Variants in RGP1 observed in about 807,000 individuals in gnomAD.
RGP1 encodes RAB6A-GEF complex partner protein 2.
In RGP1, 28 loss-of-function variants were observed where a neutral mutation model predicts 44.5. The ratio of observed to expected loss-of-function variants is 0.63; its 90% CI spans 0.47 to 0.86. The LOEUF (loss-of-function observed/expected upper bound fraction) is 0.86, where lower values mean the gene tolerates loss of function less well. Among genes scored for constraint, RGP1 ranks in the 40% least tolerant of loss-of-function variants. The pLI, the probability that RGP1 is intolerant of heterozygous loss-of-function variation, is 0.00. For missense variants in RGP1, 417 were observed against 490.7 expected (o/e 0.85, Z 1.42); for synonymous variants, 212 against 196.7 (o/e 1.08, Z -0.65).
chr9:35,780,753 G>A, the RGP1 span, among the ~76,000 whole-genome samples: 55 of 151,758 alleles, frequency 3.6e-4, no homozygotes, highest in African/African-American at 4.4e-4. Flanking sequence ...ACAACCAGGC[G>A]TGGTGGTGTG....
At chr9:35,769,641 C>T in the RGP1 span, among the ~76,000 whole-genome samples, 4 of 151,926 alleles carry the variant, frequency 2.6e-5, no homozygotes, top group Admixed American at 1.3e-4. Flanking sequence ...GATGAAAAGT[C>T]GGAAGAAAGT....
the RGP1 span, among the ~76,000 whole-genome samples, chr9:35,771,710 C>G: frequency 6.6e-6 from 1 of 152,200 alleles, no homozygotes; most frequent in Admixed American, 6.5e-5. Context: ...TGTAATCCAG[C>G]TGGCTGGGAC....
At chr9:35,758,879 C>T (rs1232737391), downstream of RGP1, among the ~76,000 whole-genome samples, 3 of 152,046 alleles carry the variant, frequency 2.0e-5, no homozygotes, top group South Asian at 4.1e-4. Flanking sequence ...TGAAATCTTC[C>T]GTTTTTCCTC....
At chr9:35,789,974 T>G in the RGP1 span, among the ~76,000 whole-genome samples, 16 of 152,374 alleles carry the variant, frequency 1.1e-4, no homozygotes, top group South Asian at 1.9e-3. Context: ...TATGATCCTC[T>G]TAGCCCTGCC....
At chr9:35,765,636 A>G in the RGP1 span, among the ~76,000 whole-genome samples, 1 of 150,508 alleles carries the variant, frequency 6.6e-6, no homozygotes. Context: ...CAGCCTGGGT[A>G]ACAAAGCATG....
chr9:35,760,735 A>ATTC (rs145946940), downstream of RGP1, among the ~76,000 whole-genome samples: 7,185 of 152,250 alleles, frequency 0.047, 512 homozygotes, highest in African/African-American at 0.16. Flanking sequence ...CAACCAGGTA[A>ATTC]TTCTGCCCTA....
the RGP1 span, among the ~76,000 whole-genome samples, chr9:35,783,038 A>G: frequency 2.6e-5 from 4 of 151,500 alleles, no homozygotes; most frequent in East Asian, 3.9e-4. Context: ...CTAACTCCCA[A>G]CCTCAGGTAA....
At chr9:35,768,717 G>A in the RGP1 span, among the ~76,000 whole-genome samples, 7 of 152,176 alleles carry the variant, frequency 4.6e-5, no homozygotes, top group African/African-American at 1.7e-4. Context: ...AGAAGCTAGA[G>A]GAGCACTTCC....
At chr9:35,775,106 C>A in the RGP1 span, among the ~76,000 whole-genome samples, 8 of 152,316 alleles carry the variant, frequency 5.3e-5, no homozygotes, top group African/African-American at 1.9e-4. Context: ...TAGCAGTGAA[C>A]CTTGAACTTG....
downstream of RGP1, among the ~76,000 whole-genome samples, chr9:35,759,532 A>G (rs985590683): frequency 2.4e-5 from 3 of 123,806 alleles, no homozygotes; most frequent in African/African-American, 9.2e-5. Context: ...ACTGCACTGC[A>G]CTCCAGCCTG....
At chr9:35,752,610 C>T (rs1827284985) in intron 8 of RGP1, 41 bp from the exon 9 acceptor site, 1 of 1,492,796 alleles carries the variant, frequency 6.7e-7, no homozygotes, top group Non-Finnish European at 9.2e-7. Context: ...TTTACTCCTG[C>T]TAGCTTCTGA....
intron 8 of RGP1, 70 bp from the exon 9 acceptor site, chr9:35,752,581 C>A: frequency 7.9e-7 from 1 of 1,264,280 alleles, no homozygotes; most frequent in Non-Finnish European, 1.1e-6. Flanking sequence ...CATTCACTAA[C>A]TATATCCTGT....
Position 35,752,155 on chromosome 9 carries a change from T to G in RGP1, c.952+10T>G. 1.3e-6 allele frequency: 2 copies of G among 1,537,882 alleles called. No individual in the cohort carries two copies. The highest frequency in any genetic ancestry group is 1.7e-6 in the Non-Finnish European group (2 of 1,144,212). On this transcript the variant is annotated intron_variant, in intron 8 of 8. Coordinates refer to ENST00000378078, the MANE Select transcript of RGP1 (RefSeq NM_001080496.3). ...TTCTGTACAGCCATTGGTGAGACCC[T>G]CACTGTTACTGGAGAAGGGAGAGGG...
chr9:35,764,429 C>G, the RGP1 span, among the ~76,000 whole-genome samples: 1 of 152,170 alleles, frequency 6.6e-6, no homozygotes, highest in African/African-American at 2.4e-5. Flanking sequence ...TGCTTAATCT[C>G]TATAATGATT....
downstream of RGP1, among the ~76,000 whole-genome samples, chr9:35,760,671 G>C (rs1436735162): frequency 6.6e-6 from 1 of 152,138 alleles, no homozygotes; most frequent in African/African-American, 2.4e-5. Flanking sequence ...AATCAGAAAC[G>C]CTGAAGGTAG....
Position 35,750,853 on chromosome 9 carries a change from A to G in RGP1, c.351A>G (p.Glu117=), listed in dbSNP as rs1297389083. Residue 117 remains glutamate (E), a synonymous_variant, in exon 5 of 9, where the codon GAA becomes GAG. Coordinates refer to ENST00000378078, the MANE Select transcript of RGP1 (RefSeq NM_001080496.3). ...CTTCCCAACCAGACTCCTACAGTGAAGTGCTGCCCATAGAGGGACCACCCT... is the reference window on the plus strand; with the variant it reads ...CTTCCCAACCAGACTCCTACAGTGAGGTGCTGCCCATAGAGGGACCACCCT... The part of the protein sequence containing the change: ...PGESKSYSYS[E]VLPIEGPPSF... The G allele has an allele frequency of 6.2e-7, 1 of 1,614,018 alleles. No homozygotes were observed. Among genetic ancestry groups the G allele is most frequent in the Non-Finnish European group, 8.5e-7 (1 of 1,179,888 alleles).
rs1207257370 is a variant in RGP1, at chr9:35,754,099, C to T, written c.*1225C>T. ...CCCCAGCCTCCTAGGATCCCCTTGG[C>T]CTGTCCAGCCCAGAGCATCCTTAGG... On this transcript the variant is annotated 3_prime_UTR_variant, in exon 9 of 9. Transcript: ENST00000378078. The T allele has an allele frequency of 6.2e-7, 1 of 1,613,594 alleles. No homozygotes were observed. Among genetic ancestry groups the T allele is most frequent in the Non-Finnish European group, 8.5e-7 (1 of 1,179,732 alleles).
the RGP1 span, among the ~76,000 whole-genome samples, chr9:35,783,164 C>T: frequency 6.6e-6 from 1 of 151,922 alleles, no homozygotes; most frequent in African/African-American, 2.4e-5. Context: ...TATTTTTCTG[C>T]TTGTAAAACT....
Position 35,753,872 on chromosome 9 carries a change from T to C in RGP1, c.*998T>C. The C allele has an allele frequency of 6.5e-7, 1 of 1,531,572 alleles. No individual in the cohort carries two copies. The highest frequency in any genetic ancestry group is 1.8e-5 in the Admixed American group (1 of 56,036). The allele number at this position is 1,531,572 out of a possible 1,614,324, so 94.9% of individuals were successfully genotyped here. A position where few individuals can be genotyped will look rare whatever the true frequency, so the allele number is the denominator to read the frequency against. On this transcript the variant is annotated 3_prime_UTR_variant, in exon 9 of 9. Coordinates refer to ENST00000378078, the MANE Select transcript of RGP1 (RefSeq NM_001080496.3). This position sits in a 1 kb window ranked among gnomAD's most constrained non-coding sequence, Gnocchi z 4.2. The stretch of plus-strand genomic sequence containing the variant: ...AGTAAGTACGCACTATCCCCGTATT[T>C]AGTTTGTCTTTCCTGTTTCACAGCT...
Sources: allele counts gnomAD v4.1 joint callset (sites outside exome capture counted in the v4.1 genomes callset), GRCh38; gene constraint gnomAD v4.1.1; non-coding constraint Gnocchi (gnomAD v3.1); transcripts MANE v1.5; gene names NCBI Gene and HGNC (gene_info 2026-07-23, HGNC 2026-07-21).